The following ERBB4 variants were observed in gnomAD, a reference collection of about 807,000 sequenced individuals.
ERBB4 encodes erb-b2 receptor tyrosine kinase 4.
Under a neutral mutation model 158.0 loss-of-function variants are expected in ERBB4, and 42 were observed. That is an observed-to-expected ratio of 0.27 (90% confidence interval 0.21 to 0.34). The LOEUF (loss-of-function observed/expected upper bound fraction) is 0.34, where lower values mean the gene tolerates loss of function less well. ERBB4 is among the 10% of genes least tolerant of loss of function. The pLI is 1.00. For synonymous variants in ERBB4, 583 were observed against 558.7 expected (o/e 1.04, Z -0.61); for missense variants, 1,333 against 1,624.1 (o/e 0.82, Z 3.08).
intron 15 of ERBB4, among the ~76,000 whole-genome samples, chr2:211,661,769 G>A (rs2071428295): frequency 6.6e-6 from 1 of 151,836 alleles, no homozygotes; most frequent in African/African-American, 2.4e-5. Flanking sequence ...GCCGGGCGCG[G>A]TGGCTCACGC....
intron 3 of ERBB4, among the ~76,000 whole-genome samples, chr2:211,835,110 G>A (rs1358445751): frequency 6.6e-6 from 1 of 150,410 alleles, no homozygotes; most frequent in Non-Finnish European, 1.5e-5. Context: ...CATTAAAGTT[G>A]CAAAGGCTAA....
chr2:212,465,932 G>A (rs1474502457), intron 1 of ERBB4, among the ~76,000 whole-genome samples: 1 of 152,004 alleles, frequency 6.6e-6, no homozygotes, highest in Non-Finnish European at 1.5e-5. Context: ...ACATTCAAAA[G>A]TAACACAATA....
chr2:211,822,766 G>A (rs16846873), intron 3 of ERBB4, among the ~76,000 whole-genome samples: 35,946 of 151,814 alleles, frequency 0.24, 4,428 homozygotes, highest in South Asian at 0.33. Flanking sequence ...GTGGTAAATC[G>A]AATCATTAGC....
chr2:211,753,944 G>A lies in ERBB4; in HGVS notation c.557-3240C>T, dbSNP rs575471632. On this transcript the variant is annotated intron_variant, in intron 4 of 27. Transcript: ENST00000342788. ...GCAACCTCAGCTCACTGCAAGCTCC[G>A]CCTCCTGGGTTCACGCCATTCTCCT... 4.2e-5 allele frequency among the ~76,000 whole-genome samples: 6 copies of A among 143,052 alleles called. No individual in the cohort carries two copies. The South Asian group carries it at 6.7e-4, about 16-fold the overall frequency. The allele number at this position is 143,052 out of a possible 152,430, so 93.8% of individuals were successfully genotyped here. A position where few individuals can be genotyped will look rare whatever the true frequency, so the allele number is the denominator to read the frequency against.
Position 211,630,627 on chromosome 2 carries a change from A to T in ERBB4, c.1947-33T>A, listed in dbSNP as rs1449981677. ...CCAGAATGAGAAAAAAAAAAATAAA[A>T]AGTATGAAGAGAGAGAAGACAGAGG... On this transcript the variant is annotated intron_variant, in intron 16 of 27. Coordinates refer to ENST00000342788, the MANE Select transcript of ERBB4 (RefSeq NM_005235.3). 3.8e-6 allele frequency: 6 copies of T among 1,582,930 alleles called. No homozygotes were observed. In the African/African-American group the frequency reaches 6.7e-5, roughly 18 times the overall value.
intron 1 of ERBB4, among the ~76,000 whole-genome samples, chr2:212,367,314 G>C (rs1013342964): frequency 2.0e-5 from 3 of 151,952 alleles, no homozygotes; most frequent in Admixed American, 2.0e-4. Context: ...TGGTGTCCAA[G>C]CAAACAAAAA....
intron 17 of ERBB4, among the ~76,000 whole-genome samples, chr2:211,626,130 G>C (rs2069832464): frequency 6.6e-6 from 1 of 152,098 alleles, no homozygotes; most frequent in East Asian, 1.9e-4. Context: ...AGAAACTTGA[G>C]AAAGGATGAA....
chr2:212,489,326 C>G (rs1690147571), intron 1 of ERBB4, among the ~76,000 whole-genome samples: 1 of 151,846 alleles, frequency 6.6e-6, no homozygotes, highest in Non-Finnish European at 1.5e-5. Flanking sequence ...TCATAGGTAA[C>G]AAGGCTTGAG....
At chr2:212,469,058 G>T (rs1363157102) in intron 1 of ERBB4, among the ~76,000 whole-genome samples, 1 of 152,062 alleles carries the variant, frequency 6.6e-6, no homozygotes, top group African/African-American at 2.4e-5. Flanking sequence ...ATTTCAAAAG[G>T]TGAATCAAAA....
At chr2:212,400,944 A>G (rs2091186412) in intron 1 of ERBB4, among the ~76,000 whole-genome samples, 1 of 152,202 alleles carries the variant, frequency 6.6e-6, no homozygotes, top group Non-Finnish European at 1.5e-5. Context: ...CTAAAAGAGC[A>G]CCTCTCATAT....
chr2:211,710,206 C>G (rs1343486443), intron 9 of ERBB4, among the ~76,000 whole-genome samples: 1 of 152,006 alleles, frequency 6.6e-6, no homozygotes, highest in African/African-American at 2.4e-5. Flanking sequence ...TTGTCTAATG[C>G]AATTCATGTG....
intron 25 of ERBB4, among the ~76,000 whole-genome samples, chr2:211,405,630 T>C (rs1214812982): frequency 6.6e-6 from 1 of 152,170 alleles, no homozygotes; most frequent in African/African-American, 2.4e-5. Context: ...TTCACATAGA[T>C]GAGTTTTTCA....
At chr2:212,207,894 TA>T (rs35529434) in intron 1 of ERBB4, among the ~76,000 whole-genome samples, 1 of 152,082 alleles carries the variant, frequency 6.6e-6, no homozygotes, top group Admixed American at 6.6e-5. Context: ...CATTCTTTTC[TA>T]AAAAGTATAT....
chr2:212,111,629 ATTCTTT>A (rs1163203414), intron 2 of ERBB4, among the ~76,000 whole-genome samples: 1 of 110,434 alleles, frequency 9.1e-6, no homozygotes, highest in Non-Finnish European at 2.2e-5. Context: ...CTTTTTCTCT[ATTCTTT>A]TTTTTTTTAT....
intron 20 of ERBB4, among the ~76,000 whole-genome samples, chr2:211,538,943 C>T (rs1305487346): frequency 6.6e-6 from 1 of 151,808 alleles, no homozygotes; most frequent in Non-Finnish European, 1.5e-5. Context: ...AACCAGTTCT[C>T]CCCATCTTGA....
At chr2:212,390,693 C>T (rs6760554) in intron 1 of ERBB4, among the ~76,000 whole-genome samples, 88,524 of 151,396 alleles carry the variant, frequency 0.58, 27,491 homozygotes, top group African/African-American at 0.79. Context: ...ACACTTTCTC[C>T]AGGACACTCC....
At chr2:211,911,323 G>A (rs1459476641) in intron 3 of ERBB4, among the ~76,000 whole-genome samples, 1 of 152,080 alleles carries the variant, frequency 6.6e-6, no homozygotes, top group Non-Finnish European at 1.5e-5. Flanking sequence ...TTAGAGTGTA[G>A]TGGCTTGATC....
intron 16 of ERBB4, among the ~76,000 whole-genome samples, chr2:211,655,964 T>A (rs913742533): frequency 6.6e-6 from 1 of 152,226 alleles, no homozygotes; most frequent in Non-Finnish European, 1.5e-5. Flanking sequence ...ATATTTATTT[T>A]AAAAACATGT....
chr2:211,818,418 C>T (rs1161888884), intron 3 of ERBB4, among the ~76,000 whole-genome samples: 1 of 151,658 alleles, frequency 6.6e-6, no homozygotes, highest in Non-Finnish European at 1.5e-5. Flanking sequence ...TACAGGAGGG[C>T]GAATTTTAAG....
Sources: gnomAD v4.1 joint callset for allele counts (sites outside exome capture counted in the v4.1 genomes callset) on GRCh38, gnomAD v4.1.1 for gene constraint, MANE v1.5 for transcripts, NCBI Gene and HGNC (gene_info 2026-07-23, HGNC 2026-07-21) for gene names.